Variants in PRRC2C observed in about 807,000 individuals in gnomAD.
PRRC2C encodes the protein protein PRRC2C.
PRRC2C carries 72 observed loss-of-function variants against 317.2 expected under a neutral mutation model. That is an observed-to-expected ratio of 0.23 (90% CI 0.19 to 0.28). The LOEUF is 0.28. Among genes scored for constraint, PRRC2C ranks in the 10% least tolerant of loss-of-function variants. The pLI, the probability that PRRC2C is intolerant of heterozygous loss-of-function variation, is 1.00. For missense variants in PRRC2C, 3,074 were observed against 3,459.7 expected (o/e 0.89, Z 2.80); for synonymous variants, 1,296 against 1,205.9 (o/e 1.07, Z -1.55).
chr1:171,590,963 G>T (rs1651291999), intron 34 of PRRC2C, among the ~76,000 whole-genome samples: 1 of 152,164 alleles, frequency 6.6e-6, no homozygotes, highest in African/African-American at 2.4e-5. Context: ...ATGCAAGAAG[G>T]ATGGAAACTT....
intron 18 of PRRC2C, 34 bp downstream of exon 18, chr1:171,550,274 C>T: frequency 6.6e-7 from 1 of 1,513,034 alleles, no homozygotes. Flanking sequence ...TGCTAGTTAT[C>T]TAGATTTGTT....
At chr1:171,494,950 AAATTAC>A (rs1185063496) in intron 1 of PRRC2C, among the ~76,000 whole-genome samples, 1 of 152,190 alleles carries the variant, frequency 6.6e-6, no homozygotes, top group Non-Finnish European at 1.5e-5. Context: ...TGCTTTAGCA[AAATTAC>A]ACGTCATTTC....
intron 28 of PRRC2C, among the ~76,000 whole-genome samples, chr1:171,580,521 C>A (rs1192469186): frequency 6.6e-6 from 1 of 152,206 alleles, no homozygotes; most frequent in Non-Finnish European, 1.5e-5. Flanking sequence ...ATTGAACTTT[C>A]CTTATATATG....
At chr1:171,584,700 T>C (rs1447712244) in intron 30 of PRRC2C, among the ~76,000 whole-genome samples, 174 bp downstream of exon 30, 1 of 152,176 alleles carries the variant, frequency 6.6e-6, no homozygotes, top group Non-Finnish European at 1.5e-5. Context: ...GGTTTCAGGC[T>C]CATGACACCC....
At chr1:171,571,475 T>C (rs1684761585) in intron 24 of PRRC2C, 54 bp downstream of exon 24, 1 of 1,304,072 alleles carries the variant, frequency 7.7e-7, no homozygotes, top group East Asian at 2.3e-5. Context: ...CAAGGGGACA[T>C]AAGTTAACAA....
chr1:171,511,051 AG>A (rs1671281131), intron 1 of PRRC2C: 1 of 152,162 alleles, frequency 6.6e-6, no homozygotes, highest in Non-Finnish European at 1.5e-5. Context: ...AAGTGGATAT[AG>A]GCTTTACTTT....
In PRRC2C at chr1:171,535,500, C is replaced by A. The variant is rs1676657300; in HGVS notation, c.1946C>A (p.Thr649Lys). 6.2e-7 allele frequency: 1 copy of A among 1,613,910 alleles called. No individual in the cohort carries two copies. Among genetic ancestry groups the A allele is most frequent in the Non-Finnish European group, 8.5e-7 (1 of 1,179,896 alleles). Residue 649 changes from threonine (T) to lysine (K), a missense_variant, in exon 13 of 35, where the codon ACA becomes AAA. Thr to Lys is a moderately conservative substitution (Grantham distance 78). Around this residue, in one of 11 missense-constraint regions of PRRC2C, gnomAD observed 1,320 missense variants for 1,395.7 expected, o/e 0.95. Coordinates refer to ENST00000647382, the MANE Select transcript of PRRC2C (RefSeq NM_001387844.1). ...EKEATPVVHE[T>K]EPESGSQPRP... is the part of the protein sequence containing the mutation. Reference sequence around the variant, plus strand: ...GAAGCCACACCAGTGGTGCATGAAACAGAACCAGAATCAGGGTCTCAACCT... The same window carrying A: ...GAAGCCACACCAGTGGTGCATGAAAAAGAACCAGAATCAGGGTCTCAACCT...
At chr1:171,576,046 G>A (rs1055214408) in intron 25 of PRRC2C, among the ~76,000 whole-genome samples, 4 of 151,908 alleles carry the variant, frequency 2.6e-5, no homozygotes, top group Non-Finnish European at 4.4e-5. Context: ...ACAAACTCCC[G>A]AGATTCTACG....
intron 34 of PRRC2C, 199 bp from the exon 35 acceptor site, chr1:171,591,388 T>C (rs1651397116): frequency 1.6e-6 from 1 of 616,404 alleles, no homozygotes; most frequent in Admixed American, 4.2e-5. Context: ...TTTTTTTTTT[T>C]TAAATCACAT....
chr1:171,511,463 G>T (rs1479047997), intron 1 of PRRC2C: 2 of 152,088 alleles, frequency 1.3e-5, no homozygotes, highest in African/African-American at 4.8e-5. Flanking sequence ...ACTATTTTTT[G>T]AATATTTAGT....
At position 171,568,355 on chromosome 1, in the gene PRRC2C, G is replaced by A; in HGVS notation, c.6651+16G>A. The A allele has an allele frequency of 6.3e-7, 1 of 1,583,342 alleles. No individual in the cohort carries two copies. Reference sequence around the variant, plus strand: ...GGTTAATAATGTAAGTAATCAGTTTGAGATGTGGCAAGTTTGGATTGGAAC... The same window carrying A: ...GGTTAATAATGTAAGTAATCAGTTTAAGATGTGGCAAGTTTGGATTGGAAC... On this transcript the variant is annotated intron_variant, in intron 23 of 34. Transcript: ENST00000647382.
chr1:171,544,751 A>G (rs1203325354), intron 16 of PRRC2C, among the ~76,000 whole-genome samples: 2 of 152,212 alleles, frequency 1.3e-5, no homozygotes, highest in African/African-American at 4.8e-5. Flanking sequence ...TGTTTTTTAT[A>G]AGAGCACCAT....
Position 171,491,140 on chromosome 1 carries a change from T to TA in PRRC2C, c.-58+5406dup, listed in dbSNP as rs147103495. Among the ~76,000 whole-genome samples the TA allele has an allele frequency of 1.2e-3, 181 of 152,294 alleles. 2 individuals are homozygous for TA. The highest frequency in any genetic ancestry group is 3.4e-3 in the Admixed American group (52 of 15,282). The stretch of plus-strand genomic sequence containing the variant: ...GGAAAATTAAAGATAAAGGGGAAGA[T>TA]ACGTTCCCTATAAGGTTGGAAGATC... On this transcript the variant is annotated intron_variant, in intron 1 of 34. Transcript: ENST00000647382.
At position 171,577,448 on chromosome 1, in the gene PRRC2C, A is replaced by T. The variant is rs1383620210; in HGVS notation, c.6970A>T (p.Thr2324Ser). The part of the protein sequence containing the change: ...TASLSGAGTY[T>S]TSSLSTKSTT... Reference sequence around the variant, plus strand: ...CCCAAATATAGGAGCTGGTACATACACTACCTCTTCTTTGAGCACAAAATC... The same window carrying T: ...CCCAAATATAGGAGCTGGTACATACTCTACCTCTTCTTTGAGCACAAAATC... The change falls in exon 26 of 35, where the codon ACT becomes TCT. Residue 2324 changes from threonine to serine, a missense_variant. This residue lies in a region of PRRC2C where 490 missense variants were observed against 663.1 expected (regional missense o/e 0.74). Coordinates refer to ENST00000647382, the MANE Select transcript of PRRC2C (RefSeq NM_001387844.1). 1 of 1,607,342 alleles carries T rather than the reference A, an allele frequency of 6.2e-7. No individual in the cohort carries two copies. The highest frequency in any genetic ancestry group is 8.5e-7 in the Non-Finnish European group (1 of 1,174,388).
rs201752804 is a variant in PRRC2C, at chr1:171,540,234, G to A, written c.2768G>A (p.Arg923Gln). The A allele has an allele frequency of 7.3e-5, 118 of 1,613,654 alleles. No individual in the cohort carries two copies. The highest frequency in any genetic ancestry group is 4.9e-4 in the Middle Eastern group (3 of 6,084). The change falls in exon 16 of 35, where the codon CGG becomes CAG. Residue 923 changes from arginine to glutamine, a missense_variant. Arg to Gln is a conservative substitution (Grantham distance 43). This residue lies in a region of PRRC2C where 1,320 missense variants were observed against 1,395.7 expected (regional missense o/e 0.95). Transcript: ENST00000647382. ...TCAGCTGTAGAAAGTCAGCCTTCCC[G>A]GAAAAGAAGTGTTTCCCATGGATCT... ...RISAVESQPS[R>Q]KRSVSHGSNH...
chr1:171,500,403 AT>A (rs557305379), intron 1 of PRRC2C, among the ~76,000 whole-genome samples: 1 of 151,824 alleles, frequency 6.6e-6, no homozygotes, highest in African/African-American at 2.4e-5. Context: ...TTTAATTGTA[AT>A]TTTTTTCATT....
chr1:171,532,306 G>A, intron 11 of PRRC2C, 37 bp from the exon 12 acceptor site: 1 of 1,555,734 alleles, frequency 6.4e-7, no homozygotes. Context: ...GTCAGAAATA[G>A]AGTTGTCATA....
Position 171,490,141 on chromosome 1 carries a change from A to G in PRRC2C, c.-58+4406A>G, listed in dbSNP as rs545923348. Among the ~76,000 whole-genome samples the G allele has an allele frequency of 2.1e-4, 32 of 151,958 alleles. 1 individual carries two copies. In the South Asian group the frequency reaches 6.5e-3, roughly 31 times the overall value. The stretch of plus-strand genomic sequence containing the variant: ...CACCATGTTGTCAGACTGGTCTCGA[A>G]CTCCTGACCTCGTGATCCGCCCACC... On this transcript the variant is annotated intron_variant, in intron 1 of 34. Transcript: ENST00000647382.
intron 19 of PRRC2C, 97 bp downstream of exon 19, chr1:171,558,240 C>T (rs1681824340): frequency 4.5e-6 from 6 of 1,347,748 alleles, no homozygotes; most frequent in South Asian, 3.6e-5. Flanking sequence ...GTTTTCTAGC[C>T]ATCTCATTTT....
Sources: allele counts gnomAD v4.1 joint callset (sites outside exome capture counted in the v4.1 genomes callset), GRCh38; gene constraint gnomAD v4.1.1; regional missense constraint gnomAD v4.1.1; transcripts MANE v1.5; gene names NCBI Gene and HGNC (gene_info 2026-07-23, HGNC 2026-07-21).